The following CDK6 variants were observed in gnomAD, a reference collection of about 807,000 sequenced individuals.
The protein encoded by CDK6 is cyclin dependent kinase 6.
In CDK6, 6 loss-of-function variants were observed where a neutral mutation model predicts 37.1. The ratio of observed to expected loss-of-function variants is 0.16; its 90% CI spans 0.09 to 0.32. The LOEUF (loss-of-function observed/expected upper bound fraction) is 0.32, where lower values mean the gene tolerates loss of function less well. Ranked by LOEUF, CDK6 falls within the 10% of genes least tolerant of loss-of-function variation. CDK6 has a pLI of 1.00. For synonymous variants in CDK6, 160 were observed against 161.3 expected, an observed-to-expected ratio of 0.99 and a Z score of 0.06; for missense variants, 224 against 418.9, an observed-to-expected ratio of 0.53 and a Z score of 4.06.
At chr7:92,656,944 C>G (rs1328014500) in intron 5 of CDK6, among the ~76,000 whole-genome samples, 1 of 152,082 alleles carries the variant, frequency 6.6e-6, no homozygotes, top group East Asian at 1.9e-4. Context: ...TGCCAGGTTT[C>G]CCCCAGTTTA....
intron 2 of CDK6, among the ~76,000 whole-genome samples, chr7:92,778,117 A>C (rs1223150163): frequency 1.3e-5 from 2 of 151,962 alleles, no homozygotes; most frequent in Non-Finnish European, 2.9e-5. Context: ...AACCAAAAAC[A>C]AAAAACACTT....
intron 6 of CDK6, 73 bp downstream of exon 6, chr7:92,622,963 G>C (rs900084461): frequency 2.8e-5 from 24 of 860,752 alleles, no homozygotes; most frequent in Admixed American, 4.3e-5. Context: ...CACATGATAT[G>C]CATGTCAGAG....
At chr7:92,788,406 AT>A (rs1800197764) in intron 2 of CDK6, among the ~76,000 whole-genome samples, 1 of 152,210 alleles carries the variant, frequency 6.6e-6, no homozygotes, top group Admixed American at 6.5e-5. Flanking sequence ...GTAAGTGAAT[AT>A]TTTAGATAAT....
chr7:92,765,319 T>G (rs187010913), intron 3 of CDK6, among the ~76,000 whole-genome samples: 1 of 152,258 alleles, frequency 6.6e-6, no homozygotes, highest in East Asian at 1.9e-4. Context: ...TGGAATTCAG[T>G]TAGTATTTTT....
chr7:92,685,483 T>G (rs1562935317), intron 4 of CDK6, among the ~76,000 whole-genome samples: 1 of 152,230 alleles, frequency 6.6e-6, no homozygotes, highest in Non-Finnish European at 1.5e-5. Context: ...TATTTCCATT[T>G]ATAAACATTT....
Position 92,772,035 on chromosome 7 carries a change from T to C in CDK6, c.369+2661A>G, listed in dbSNP as rs762536756. Among the ~76,000 whole-genome samples, 8 of 152,322 alleles carry C rather than the reference T, an allele frequency of 5.3e-5. No individual in the cohort carries two copies. In the East Asian group the frequency reaches 1.2e-3, roughly 22 times the overall value. ...CGAGTGTTGATTAAAAATAATTTTG[T>C]ATCAGTTATATATTCAGCCTAAAAC... On this transcript the variant is annotated intron_variant, in intron 3 of 7. Transcript: ENST00000424848.
intron 2 of CDK6, among the ~76,000 whole-genome samples, chr7:92,793,805 A>C (rs959127018): frequency 6.6e-6 from 1 of 152,132 alleles, no homozygotes; most frequent in Non-Finnish European, 1.5e-5. Context: ...CAGAGTAGGC[A>C]AATCTACAGA....
chr7:92,761,292 C>T (rs1186866678), intron 3 of CDK6, among the ~76,000 whole-genome samples: 1 of 152,102 alleles, frequency 6.6e-6, no homozygotes, highest in Non-Finnish European at 1.5e-5. Context: ...TAATAGCTCT[C>T]TCCTACACAC....
chr7:92,802,349 T>C (rs892612260), intron 2 of CDK6, among the ~76,000 whole-genome samples: 1 of 152,192 alleles, frequency 6.6e-6, no homozygotes, highest in Non-Finnish European at 1.5e-5. Flanking sequence ...AGGAGGTAGA[T>C]TTCATTCAAT....
chr7:92,643,162 C>T (rs930844656), intron 5 of CDK6, among the ~76,000 whole-genome samples: 4 of 152,202 alleles, frequency 2.6e-5, no homozygotes, highest in African/African-American at 7.2e-5. Flanking sequence ...GTTGGGATTA[C>T]AGGCTTGAGC....
intron 5 of CDK6, among the ~76,000 whole-genome samples, chr7:92,627,456 G>T (rs1249572642): frequency 2.0e-5 from 3 of 152,008 alleles, no homozygotes; most frequent in Non-Finnish European, 4.4e-5. Context: ...ACCCTGGAAG[G>T]CTCCCTTGTC....
intron 5 of CDK6, among the ~76,000 whole-genome samples, chr7:92,667,871 T>C (rs1239467047): frequency 6.6e-6 from 1 of 152,162 alleles, no homozygotes; most frequent in Non-Finnish European, 1.5e-5. Context: ...AAAAAGTTTA[T>C]GAAGTAAAAA....
At chr7:92,708,817 G>T (rs1187197997) in intron 4 of CDK6, among the ~76,000 whole-genome samples, 4 of 152,068 alleles carry the variant, frequency 2.6e-5, no homozygotes, top group Non-Finnish European at 5.9e-5. Flanking sequence ...CGTTTTGAAT[G>T]AAAATGTTAA....
chr7:92,718,255 G>A (rs1243885548), intron 4 of CDK6, among the ~76,000 whole-genome samples: 1 of 152,204 alleles, frequency 6.6e-6, no homozygotes, highest in African/African-American at 2.4e-5. Flanking sequence ...AGTCACAGGA[G>A]CCCTTCCTGC....
At chr7:92,745,062 T>A (rs930482147) in intron 3 of CDK6, among the ~76,000 whole-genome samples, 5 of 152,186 alleles carry the variant, frequency 3.3e-5, no homozygotes, top group African/African-American at 1.2e-4. Flanking sequence ...ATCAAGCTAA[T>A]TAACATGTCC....
chr7:92,697,516 A>C (rs913175137), intron 4 of CDK6, among the ~76,000 whole-genome samples: 1 of 152,218 alleles, frequency 6.6e-6, no homozygotes, highest in Non-Finnish European at 1.5e-5. Flanking sequence ...TAATAACTAC[A>C]GTAGTCCCAC....
chr7:92,632,365 A>G (rs2116514906), intron 5 of CDK6, among the ~76,000 whole-genome samples: 1 of 152,310 alleles, frequency 6.6e-6, no homozygotes, highest in South Asian at 2.1e-4. Context: ...ATCAGTCATA[A>G]AGCATTACAA....
At chr7:92,617,239 T>C (rs936184355) in intron 7 of CDK6, among the ~76,000 whole-genome samples, 5 of 152,008 alleles carry the variant, frequency 3.3e-5, no homozygotes, top group African/African-American at 4.8e-5. Flanking sequence ...CTTCCAAGTA[T>C]GGACCTTCAG....
In CDK6 at chr7:92,609,450, GCTT is replaced by G. The variant is rs1795513728; in HGVS notation, c.*5687_*5689del. On this transcript the variant is annotated 3_prime_UTR_variant, in exon 8 of 8. Transcript: ENST00000424848. The stretch of plus-strand genomic sequence containing the variant: ...TTCAGACTTTTTTTTTTTAATTAGA[GCTT>G]CTTATGAATTTACATTTGTGATTCC... 1 of 228,338 alleles carries G rather than the reference GCTT, an allele frequency of 4.4e-6. No individual in the cohort carries two copies. Among genetic ancestry groups the G allele is most frequent in the Non-Finnish European group, 8.7e-6 (1 of 115,530 alleles). 14.1% of individuals were successfully genotyped at this position (228,338 alleles called of 1,614,324 possible).
Sources: gnomAD v4.1 joint callset for allele counts (sites outside exome capture counted in the v4.1 genomes callset) on GRCh38, gnomAD v4.1.1 for gene constraint, MANE v1.5 for transcripts, NCBI Gene and HGNC (gene_info 2026-07-23, HGNC 2026-07-21) for gene names.